Variants in SLC2A9 observed in about 807,000 individuals in gnomAD.
SLC2A9 encodes solute carrier family 2, facilitated glucose transporter member 9.
A neutral mutation model predicts 50.6 loss-of-function variants in SLC2A9; 39 were observed. The ratio of observed to expected loss-of-function variants is 0.77; its 90% CI spans 0.60 to 1.01. The LOEUF (loss-of-function observed/expected upper bound fraction) is 1.01. Ranked by LOEUF, SLC2A9 falls within the 50% of genes least tolerant of loss-of-function variation. The pLI, the probability that SLC2A9 is intolerant of heterozygous loss-of-function variation, is 0.00. For synonymous variants in SLC2A9, 324 were observed against 276.9 expected (o/e 1.17, Z -1.69); for missense variants, 686 against 677.6 (o/e 1.01, Z -0.14).
At chr4:9,806,173 G>A (rs1455916017) in intron 3 of SLC2A9, among the ~76,000 whole-genome samples, 1 of 152,218 alleles carries the variant, frequency 6.6e-6, no homozygotes, top group Non-Finnish European at 1.5e-5. Flanking sequence ...CCCAAAACTG[G>A]CCATAAACAA....
At chr4:9,807,917 C>T (rs540730407) in intron 3 of SLC2A9, among the ~76,000 whole-genome samples, 9 of 152,306 alleles carry the variant, frequency 5.9e-5, no homozygotes, top group African/African-American at 9.6e-5. Flanking sequence ...GACATGGTTT[C>T]GGCGAGCCCC....
At chr4:9,777,714 C>A (rs1439644486), downstream of SLC2A9, among the ~76,000 whole-genome samples, 3 of 152,220 alleles carry the variant, frequency 2.0e-5, no homozygotes, top group Non-Finnish European at 4.4e-5. Context: ...GAACAAGACA[C>A]AATTTCTTGA....
chr4:9,902,702 G>C (rs76792371), intron 8 of SLC2A9, among the ~76,000 whole-genome samples: 170 of 152,314 alleles, frequency 1.1e-3, no homozygotes, highest in African/African-American at 3.9e-3. Flanking sequence ...CGTTCTGCCT[G>C]TGTGTATGCC....
At chr4:9,929,969 C>T (rs1214400369) in intron 6 of SLC2A9, among the ~76,000 whole-genome samples, 1 of 152,170 alleles carries the variant, frequency 6.6e-6, no homozygotes, top group African/African-American at 2.4e-5. Flanking sequence ...CCAGCCCTCC[C>T]AAAGACTCCC....
chr4:9,993,680 T>C (rs1194169498), intron 3 of SLC2A9, among the ~76,000 whole-genome samples: 1 of 152,028 alleles, frequency 6.6e-6, no homozygotes, highest in Non-Finnish European at 1.5e-5. Context: ...GAGGGTCCTG[T>C]CACTATGGTC....
intron 8 of SLC2A9, among the ~76,000 whole-genome samples, chr4:9,893,269 CTTGAAGG>C: frequency 6.6e-6 from 1 of 152,152 alleles, no homozygotes; most frequent in South Asian, 2.1e-4. Context: ...TCTTTCTTCA[CTTGAAGG>C]CTAGGAGCCT....
intron 10 of SLC2A9, among the ~76,000 whole-genome samples, chr4:9,847,120 A>C (rs1412671875): frequency 6.6e-6 from 1 of 152,230 alleles, no homozygotes; most frequent in Non-Finnish European, 1.5e-5. Context: ...CAACATGTTT[A>C]ATGTGTGGCT....
At chr4:9,814,995 G>A (rs1300046681) in intron 3 of SLC2A9, among the ~76,000 whole-genome samples, 2 of 152,084 alleles carry the variant, frequency 1.3e-5, no homozygotes, top group Non-Finnish European at 2.9e-5. Context: ...GAGACAGAGA[G>A]GTCCTGTGGT....
At chr4:9,776,636 C>G (rs1283660854), downstream of SLC2A9, among the ~76,000 whole-genome samples, 1 of 152,062 alleles carries the variant, frequency 6.6e-6, no homozygotes, top group South Asian at 2.1e-4. Context: ...AGCCTTGAAA[C>G]CTGTGTCTTT....
At chr4:9,901,122 AC>A (rs1455740546) in intron 8 of SLC2A9, among the ~76,000 whole-genome samples, 1 of 152,186 alleles carries the variant, frequency 6.6e-6, no homozygotes, top group Non-Finnish European at 1.5e-5. Context: ...TGGGGATGCC[AC>A]CCAGCTCAGA....
downstream of SLC2A9, among the ~76,000 whole-genome samples, chr4:9,778,662 T>A (rs1717896585): frequency 6.6e-6 from 1 of 152,194 alleles, no homozygotes; most frequent in Non-Finnish European, 1.5e-5. Flanking sequence ...TCAGGTCTAA[T>A]AATGTATCCA....
intron 6 of SLC2A9, among the ~76,000 whole-genome samples, chr4:9,921,466 A>G (rs1450148703): frequency 6.6e-6 from 1 of 152,220 alleles, no homozygotes; most frequent in Non-Finnish European, 1.5e-5. Context: ...TCCCACAGGG[A>G]AAGGTGGCTA....
intron 10 of SLC2A9, among the ~76,000 whole-genome samples, chr4:9,882,120 T>C (rs753589202): frequency 6.6e-6 from 1 of 152,206 alleles, no homozygotes; most frequent in East Asian, 1.9e-4. Flanking sequence ...TTTTAATTCA[T>C]CCTCAGCCAA....
At chr4:10,032,984 A>G (rs1763983930) in intron 1 of SLC2A9, among the ~76,000 whole-genome samples, 1 of 152,128 alleles carries the variant, frequency 6.6e-6, no homozygotes, top group African/African-American at 2.4e-5. Flanking sequence ...AGATGCATGT[A>G]AAGCCGGGCA....
chr4:9,884,063 C>T (rs958147830), intron 10 of SLC2A9, among the ~76,000 whole-genome samples: 12 of 152,220 alleles, frequency 7.9e-5, no homozygotes, highest in Non-Finnish European at 5.9e-5. Context: ...AAACTGGGTG[C>T]ATGTGCTCAT....
chr4:9,771,513 A>G, intron 1 of SLC2A9: 1 of 398,804 alleles, frequency 2.5e-6, no homozygotes, highest in Admixed American at 4.4e-5. Context: ...AAGCATAGAG[A>G]GTGCACAGAT....
intron 5 of SLC2A9, among the ~76,000 whole-genome samples, chr4:9,956,445 A>C (rs1420746498): frequency 1.3e-5 from 2 of 151,968 alleles, no homozygotes; most frequent in Non-Finnish European, 2.9e-5. Context: ...GTGCCACTAC[A>C]CTCCAGCCTG....
At chr4:9,937,534 G>A (rs919975540) in intron 6 of SLC2A9, among the ~76,000 whole-genome samples, 2 of 152,192 alleles carry the variant, frequency 1.3e-5, no homozygotes, top group Non-Finnish European at 2.9e-5. Flanking sequence ...TCTTCCGGGA[G>A]CAGGTGACTG....
intron 5 of SLC2A9, among the ~76,000 whole-genome samples, chr4:9,970,326 G>A (rs60045583): frequency 0.5 from 75,757 of 152,082 alleles, 20,688 homozygotes; most frequent in African/African-American, 0.72. Context: ...CAGCCAACTC[G>A]GGTGGCAGTC....
Sources: gnomAD v4.1 joint callset for allele counts (sites outside exome capture counted in the v4.1 genomes callset) on GRCh38, gnomAD v4.1.1 for gene constraint, MANE v1.5 for transcripts, NCBI Gene and HGNC (gene_info 2026-07-23, HGNC 2026-07-21) for gene names.